TF: variants seen among roughly 807,000 people sequenced by gnomAD.
TF encodes the protein serotransferrin.
A neutral mutation model predicts 82.4 loss-of-function variants in TF; 55 were observed. That is an observed-to-expected ratio of 0.67 (90% confidence interval 0.54 to 0.84). TF has a LOEUF of 0.84. TF is among the 40% of genes least tolerant of loss of function. TF has a pLI of 0.00. For missense variants in TF, 737 were observed against 868.4 expected (o/e 0.85, Z 1.90); for synonymous variants, 332 against 332.6 (o/e 1.00, Z 0.02).
the TF span, among the ~76,000 whole-genome samples, chr3:133,684,938 C>T: frequency 3.3e-5 from 5 of 152,066 alleles, no homozygotes; most frequent in Non-Finnish European, 5.9e-5. Flanking sequence ...TGATGAACAT[C>T]GATGCAAAAA....
chr3:133,677,488 T>C, the TF span, among the ~76,000 whole-genome samples: 213 of 152,046 alleles, frequency 1.4e-3, no homozygotes, highest in Middle Eastern at 6.8e-3. Context: ...AATACAAAAA[T>C]TAGTCAGGCG....
chr3:133,774,879 A>G (rs1179043010), intron 14 of TF: 1 of 316,404 alleles, frequency 3.2e-6, no homozygotes, highest in South Asian at 2.9e-5. Context: ...TTTTTTTCAG[A>G]GACAATACAG....
chr3:133,775,629 C>A lies in TF; in HGVS notation c.1872+12C>A, dbSNP rs764628136. 1 of 1,613,262 alleles carries A rather than the reference C, an allele frequency of 6.2e-7. No homozygotes were observed. The highest frequency in any genetic ancestry group is 8.5e-7 in the Non-Finnish European group (1 of 1,179,744). On this transcript the variant is annotated intron_variant, in intron 15 of 16. Coordinates refer to ENST00000402696, the MANE Select transcript of TF (RefSeq NM_001063.4). ...TACGTCAACAGCAGGTATGGACCAGCCAGGTCCTCCCACCTTTTCTTCCTA... is the reference window on the plus strand; with the variant it reads ...TACGTCAACAGCAGGTATGGACCAGACAGGTCCTCCCACCTTTTCTTCCTA...
At chr3:133,777,300 T>C (rs985591089) in intron 16 of TF, 62 bp downstream of exon 16, 5 of 1,555,052 alleles carry the variant, frequency 3.2e-6, no homozygotes, top group African/African-American at 2.7e-5. Context: ...GCTGGGATGG[T>C]GGGTGGGTAC....
chr3:133,759,387 C>A, intron 9 of TF, 58 bp downstream of exon 9: 1 of 1,600,420 alleles, frequency 6.2e-7, no homozygotes, highest in Non-Finnish European at 8.5e-7. Flanking sequence ...TGCTGGCCCC[C>A]AAGACTGAGC....
the TF span, among the ~76,000 whole-genome samples, chr3:133,737,147 C>A: frequency 1.3e-5 from 2 of 152,190 alleles, no homozygotes; most frequent in Non-Finnish European, 2.9e-5. Context: ...AATTGGAACT[C>A]AGGATTAAGA....
chr3:133,749,780 T>C (rs1350264166), intron 2 of TF, among the ~76,000 whole-genome samples: 1 of 152,122 alleles, frequency 6.6e-6, no homozygotes, highest in East Asian at 1.9e-4. Context: ...GCAGTGACAA[T>C]AGGTTTCATT....
the TF span, among the ~76,000 whole-genome samples, chr3:133,740,685 A>C: frequency 6.6e-6 from 1 of 152,140 alleles, no homozygotes; most frequent in Non-Finnish European, 1.5e-5. Context: ...TTACATGAAA[A>C]AACATTTGGA....
chr3:133,713,349 G>T, the TF span, among the ~76,000 whole-genome samples: 2 of 152,210 alleles, frequency 1.3e-5, no homozygotes, highest in African/African-American at 4.8e-5. Context: ...ATAAGGCCAA[G>T]ATAGTTTTCC....
the TF span, among the ~76,000 whole-genome samples, chr3:133,727,920 G>T: frequency 2.0e-5 from 3 of 151,856 alleles, no homozygotes; most frequent in Non-Finnish European, 4.4e-5. Flanking sequence ...ATGATGCTTA[G>T]TTTGGCTGGA....
In TF at chr3:133,751,852, G is replaced by A. The variant is rs182451510; in HGVS notation, c.217-1743G>A. Reference sequence around the variant, plus strand: ...ACTAAAAAAAATACAAAAATTAGCCGGGTGTGATGGCAGGCGCCTTAATCC... The same window carrying A: ...ACTAAAAAAAATACAAAAATTAGCCAGGTGTGATGGCAGGCGCCTTAATCC... On this transcript the variant is annotated intron_variant, in intron 2 of 16. Transcript: ENST00000402696. Among the ~76,000 whole-genome samples the A allele has an allele frequency of 1.6e-4, 24 of 151,934 alleles. No individual in the cohort carries two copies. In the East Asian group the frequency reaches 2.2e-3, roughly 14 times the overall value.
the TF span, among the ~76,000 whole-genome samples, chr3:133,685,614 A>C: frequency 6.6e-6 from 1 of 152,216 alleles, no homozygotes; most frequent in Non-Finnish European, 1.5e-5. Context: ...TGCTTCAAAG[A>C]GAATAAAATA....
the TF span, among the ~76,000 whole-genome samples, chr3:133,730,624 A>C: frequency 1.3e-5 from 2 of 152,288 alleles, 1 homozygote; most frequent in Admixed American, 1.3e-4. Context: ...CAATTCTAAG[A>C]ACCTGGAAAG....
chr3:133,770,579 G>C lies in TF; in HGVS notation c.1687+7G>C. On this transcript the variant is annotated splice_region_variant and intron_variant, in intron 14 of 16. Coordinates refer to ENST00000402696, the MANE Select transcript of TF (RefSeq NM_001063.4). ...GTCCCACAGAACACTGGGGGTAAGT[G>C]CACCTGCTCCTCTGTCCCCCTAGAT... The C allele has an allele frequency of 1.2e-6, 2 of 1,614,016 alleles. No individual in the cohort carries two copies. The highest frequency in any genetic ancestry group is 1.7e-6 in the Non-Finnish European group (2 of 1,179,942).
At chr3:133,729,445 C>T in the TF span, among the ~76,000 whole-genome samples, 14 of 152,214 alleles carry the variant, frequency 9.2e-5, no homozygotes, top group Admixed American at 2.0e-4. Context: ...ACTCCGTGGG[C>T]GTAGGACCCT....
At chr3:133,690,823 A>C in the TF span, among the ~76,000 whole-genome samples, 2 of 152,178 alleles carry the variant, frequency 1.3e-5, no homozygotes, top group Non-Finnish European at 2.9e-5. Context: ...AGCCCACGGG[A>C]CGGACTGAAA....
intron 8 of TF, among the ~76,000 whole-genome samples, chr3:133,758,673 G>C (rs1212124347): frequency 6.6e-6 from 1 of 152,208 alleles, no homozygotes; most frequent in Non-Finnish European, 1.5e-5. Flanking sequence ...CCTTGAGGAA[G>C]TGACTCTTGA....
chr3:133,693,100 G>A, the TF span, among the ~76,000 whole-genome samples: 8 of 152,382 alleles, frequency 5.2e-5, no homozygotes, highest in South Asian at 1.7e-3. Flanking sequence ...GTGTGCACCA[G>A]CAACTCCTGG....
chr3:133,725,071 G>C, the TF span, among the ~76,000 whole-genome samples: 1 of 152,210 alleles, frequency 6.6e-6, no homozygotes, highest in Non-Finnish European at 1.5e-5. Context: ...TTGTAATATA[G>C]TTTGAAATCA....
Sources: allele counts gnomAD v4.1 joint callset (sites outside exome capture counted in the v4.1 genomes callset), GRCh38; gene constraint gnomAD v4.1.1; transcripts MANE v1.5; gene names NCBI Gene and HGNC (gene_info 2026-07-23, HGNC 2026-07-21).